Variants in ZFHX4 observed in about 807,000 individuals in gnomAD.
The protein encoded by ZFHX4 is zinc finger homeobox 4, also known as zinc finger homeobox protein 4.
ZFHX4 carries 56 observed loss-of-function variants against 267.6 expected under a neutral mutation model. That is an observed-to-expected ratio of 0.21 (90% CI 0.17 to 0.26). The LOEUF is 0.26. Ranked by LOEUF, ZFHX4 falls within the 10% of genes least tolerant of loss-of-function variation. ZFHX4 has a pLI of 1.00. For synonymous variants in ZFHX4, 1,778 were observed against 1,665.6 expected, an observed-to-expected ratio of 1.07 and a Z score of -1.64; for missense variants, 4,332 against 4,420.0, an observed-to-expected ratio of 0.98 and a Z score of 0.56.
chr8:76,738,615 CTTCCTTCCTTCT>C (rs766767561), intron 3 of ZFHX4, among the ~76,000 whole-genome samples: 2,352 of 144,694 alleles, frequency 0.016, 29 homozygotes, highest in African/African-American at 0.02. Context: ...TCCTTCCTTC[CTTCCTTCCTTCT>C]TTCCTTCCTT....
chr8:76,838,782 A>G (rs898633423), intron 5 of ZFHX4, among the ~76,000 whole-genome samples: 1 of 152,108 alleles, frequency 6.6e-6, no homozygotes, highest in African/African-American at 2.4e-5. Context: ...AGGGCCAGGC[A>G]CGGTGGCTCA....
In ZFHX4 at chr8:76,704,709, C is replaced by G; in HGVS notation, c.621C>G (p.Ala207=). ...IASSLGKPFT[A]DQAFPNTSAL... is the part of the protein sequence containing the mutation. ...CATCCCTCGGGAAACCATTTACAGC[C>G]GATCAGGCTTTCCCAAATACCTCAG... The change falls in exon 2 of 11, where the codon GCC becomes GCG. Residue 207 remains alanine, a synonymous_variant. Transcript: ENST00000651372. The G allele has an allele frequency of 1.1e-5, 18 of 1,613,970 alleles. No individual in the cohort carries two copies. Among genetic ancestry groups the G allele is most frequent in the Non-Finnish European group, 1.5e-5 (18 of 1,179,904 alleles).
intron 3 of ZFHX4, among the ~76,000 whole-genome samples, chr8:76,762,537 A>G (rs1809942896): frequency 6.6e-6 from 1 of 152,198 alleles, no homozygotes; most frequent in South Asian, 2.1e-4. Flanking sequence ...ATCATGTGAA[A>G]GCCAGGAAAT....
intron 1 of ZFHX4, among the ~76,000 whole-genome samples, chr8:76,685,286 A>C (rs1024954875): frequency 6.6e-6 from 1 of 152,166 alleles, no homozygotes; most frequent in Non-Finnish European, 1.5e-5. Context: ...GTGCAAATCA[A>C]TATTTCAGGG....
Position 76,864,755 on chromosome 8 carries a change from G to T in ZFHX4, c.*190G>T. The T allele has an allele frequency of 2.3e-6, 1 of 440,104 alleles. No individual in the cohort carries two copies. Among genetic ancestry groups the T allele is most frequent in the African/African-American group, 2.0e-5 (1 of 49,414 alleles). The allele number at this position is 440,104 out of a possible 1,614,324, so 27.3% of individuals were successfully genotyped here. Reference sequence around the variant, plus strand: ...GTATGTAATGGACAGAACTGATGCAGATGGTTGAATGCGCTTGTACTATAT... The same window carrying T: ...GTATGTAATGGACAGAACTGATGCATATGGTTGAATGCGCTTGTACTATAT... On this transcript the variant is annotated 3_prime_UTR_variant, in exon 11 of 11. Coordinates refer to ENST00000651372, the MANE Select transcript of ZFHX4 (RefSeq NM_024721.5).
At chr8:76,825,477 T>C (rs1811760425) in intron 4 of ZFHX4, among the ~76,000 whole-genome samples, 1 of 152,238 alleles carries the variant, frequency 6.6e-6, no homozygotes, top group South Asian at 2.1e-4. Context: ...GAAATACTTC[T>C]TTGAACAACG....
chr8:76,833,656 G>A (rs913854235), intron 5 of ZFHX4: 1 of 389,340 alleles, frequency 2.6e-6, no homozygotes. Context: ...CCTGACACAT[G>A]TATAGCCTCC....
chr8:76,823,688 T>C (rs1172246431), intron 4 of ZFHX4, among the ~76,000 whole-genome samples: 1 of 152,200 alleles, frequency 6.6e-6, no homozygotes, highest in African/African-American at 2.4e-5. Flanking sequence ...ATTATTTACA[T>C]AGAATTTAGG....
intron 4 of ZFHX4, among the ~76,000 whole-genome samples, chr8:76,819,591 G>T (rs949581588): frequency 5.3e-5 from 8 of 152,164 alleles, no homozygotes; most frequent in African/African-American, 9.7e-5. Context: ...ATTTGTCCCT[G>T]TCTATAGGAC....
chr8:76,774,289 C>T lies in ZFHX4; in HGVS notation c.3094-3919C>T, dbSNP rs983513120. ...AAAAATTGAAGTGATATCATATGCT[C>T]ATCAGGAAGAAATGAGTGTGGTAAT... On this transcript the variant is annotated intron_variant, in intron 3 of 10. Transcript: ENST00000651372. 5.3e-5 allele frequency among the ~76,000 whole-genome samples: 8 copies of T among 152,092 alleles called. No individual in the cohort carries two copies. In the East Asian group the frequency reaches 7.7e-4, roughly 15 times the overall value.
chr8:76,696,672 C>G (rs1585855737), intron 1 of ZFHX4, among the ~76,000 whole-genome samples: 1 of 142,576 alleles, frequency 7.0e-6, no homozygotes, highest in Non-Finnish European at 1.5e-5. Flanking sequence ...AATCCCCAAA[C>G]AAAAGGCTCT....
chr8:76,737,844 T>C (rs1173917961), intron 3 of ZFHX4, among the ~76,000 whole-genome samples: 1 of 152,184 alleles, frequency 6.6e-6, no homozygotes, highest in Non-Finnish European at 1.5e-5. Flanking sequence ...GAATCCATCA[T>C]AACTTGTTAG....
chr8:76,710,168 ACTTAT>A (rs2131619011), intron 3 of ZFHX4, among the ~76,000 whole-genome samples: 1 of 152,332 alleles, frequency 6.6e-6, no homozygotes, highest in Non-Finnish European at 1.5e-5. Context: ...CTTTGAACAA[ACTTAT>A]CTTGAATTAA....
At chr8:76,784,040 A>G (rs984677628) in intron 4 of ZFHX4, among the ~76,000 whole-genome samples, 2 of 151,976 alleles carry the variant, frequency 1.3e-5, no homozygotes, top group Non-Finnish European at 2.9e-5. Context: ...TTTTATGCAT[A>G]TAATATTTAT....
intron 3 of ZFHX4, among the ~76,000 whole-genome samples, chr8:76,767,314 T>G (rs766998258): frequency 2.6e-5 from 4 of 152,160 alleles, no homozygotes; most frequent in Non-Finnish European, 4.4e-5. Context: ...TTTTCTTGCT[T>G]CTTGTGTTAA....
At chr8:76,795,164 A>G (rs1488674361) in intron 4 of ZFHX4, among the ~76,000 whole-genome samples, 1 of 152,220 alleles carries the variant, frequency 6.6e-6, no homozygotes, top group Admixed American at 6.5e-5. Context: ...AATAAAAATC[A>G]GTGAAAGTCT....
intron 4 of ZFHX4, among the ~76,000 whole-genome samples, chr8:76,826,961 G>A (rs564983577): frequency 6.6e-6 from 1 of 152,240 alleles, no homozygotes; most frequent in Admixed American, 6.5e-5. Context: ...GGGTGGAAGA[G>A]GGATCAGTTT....
chr8:76,733,678 T>C (rs1218898607), intron 3 of ZFHX4, among the ~76,000 whole-genome samples: 3 of 152,196 alleles, frequency 2.0e-5, no homozygotes, highest in Non-Finnish European at 2.9e-5. Flanking sequence ...CTGTTCCTTC[T>C]TTTTAAGATC....
At chr8:76,723,384 G>C (rs1395820606) in intron 3 of ZFHX4, among the ~76,000 whole-genome samples, 1 of 151,960 alleles carries the variant, frequency 6.6e-6, no homozygotes, top group East Asian at 1.9e-4. Flanking sequence ...ATTATGCTGA[G>C]CTTTAACAGG....
Sources: gnomAD v4.1 joint callset for allele counts (sites outside exome capture counted in the v4.1 genomes callset) on GRCh38, gnomAD v4.1.1 for gene constraint, MANE v1.5 for transcripts, NCBI Gene and HGNC (gene_info 2026-07-23, HGNC 2026-07-21) for gene names.